Variants in KCNMB2 observed in about 807,000 individuals in gnomAD.
The protein encoded by KCNMB2 is potassium calcium-activated channel subfamily M regulatory beta subunit 2, also known as calcium-activated potassium channel subunit beta-2.
KCNMB2 carries 9 observed loss-of-function variants against 24.5 expected under a neutral mutation model. That is an observed-to-expected ratio of 0.37 (90% confidence interval 0.22 to 0.64). The LOEUF is 0.64. Among genes scored for constraint, KCNMB2 ranks in the 30% least tolerant of loss-of-function variants. The pLI, the probability that KCNMB2 is intolerant of heterozygous loss-of-function variation, is 0.63. For missense variants in KCNMB2, 226 were observed against 284.3 expected (o/e 0.79, Z 1.47); for synonymous variants, 109 against 104.4 (o/e 1.04, Z -0.27).
intron 1 of KCNMB2, among the ~76,000 whole-genome samples, chr3:178,606,912 GAC>G (rs1196351066): frequency 6.6e-6 from 1 of 152,158 alleles, no homozygotes; most frequent in African/African-American, 2.4e-5. Flanking sequence ...ATCATGTGAA[GAC>G]ACAGCAAAAA....
At chr3:178,665,181 T>C (rs905297379) in intron 1 of KCNMB2, among the ~76,000 whole-genome samples, 1 of 152,142 alleles carries the variant, frequency 6.6e-6, no homozygotes, top group African/African-American at 2.4e-5. Context: ...GGAATTCTGA[T>C]CAACCTTTAA....
chr3:178,644,313 G>A (rs1055586143), intron 1 of KCNMB2, among the ~76,000 whole-genome samples: 1 of 152,224 alleles, frequency 6.6e-6, no homozygotes, highest in African/African-American at 2.4e-5. Flanking sequence ...AGGAAGAGAG[G>A]TGGGTCATTA....
intron 1 of KCNMB2, chr3:178,801,660 G>A (rs569174856): frequency 2.2e-4 from 34 of 152,196 alleles, no homozygotes; most frequent in Non-Finnish European, 4.4e-4. Context: ...AAGCTAAGAG[G>A]TCATTGTCCT....
At chr3:178,765,615 TTG>T (rs1314517537) in intron 1 of KCNMB2, among the ~76,000 whole-genome samples, 16 of 87,722 alleles carry the variant, frequency 1.8e-4, no homozygotes, top group African/African-American at 1.0e-3. Flanking sequence ...CTGCTAGAAT[TTG>T]TGTGTGTGTG....
At chr3:178,806,322 G>T (rs546209131) in intron 1 of KCNMB2, among the ~76,000 whole-genome samples, 2 of 152,178 alleles carry the variant, frequency 1.3e-5, no homozygotes, top group South Asian at 2.1e-4. Flanking sequence ...GCATAACACA[G>T]ATATATGCAT....
At chr3:178,620,404 C>T (rs183964180) in intron 1 of KCNMB2, among the ~76,000 whole-genome samples, 5 of 152,202 alleles carry the variant, frequency 3.3e-5, no homozygotes, top group Non-Finnish European at 5.9e-5. Flanking sequence ...GCTTCTGTAA[C>T]AAAATGCCAT....
chr3:178,686,676 TG>T (rs1721482812), intron 1 of KCNMB2, among the ~76,000 whole-genome samples: 1 of 152,190 alleles, frequency 6.6e-6, no homozygotes, highest in Non-Finnish European at 1.5e-5. Context: ...CACCTCTTTG[TG>T]TATGTATGCA....
At chr3:178,800,374 G>A (rs1301749738) in intron 1 of KCNMB2, among the ~76,000 whole-genome samples, 2 of 152,086 alleles carry the variant, frequency 1.3e-5, no homozygotes, top group African/African-American at 4.8e-5. Flanking sequence ...CAACAGTTCT[G>A]AATAGACATT....
At chr3:178,755,761 A>G (rs1338076586) in intron 1 of KCNMB2, among the ~76,000 whole-genome samples, 1 of 152,188 alleles carries the variant, frequency 6.6e-6, no homozygotes, top group Non-Finnish European at 1.5e-5. Context: ...GCATGGCTGT[A>G]TCAACTACAA....
At chr3:178,606,763 T>C (rs984878346) in intron 1 of KCNMB2, among the ~76,000 whole-genome samples, 1 of 152,116 alleles carries the variant, frequency 6.6e-6, no homozygotes, top group Admixed American at 6.6e-5. Context: ...CCTAATATGA[T>C]GGTATTAAGA....
chr3:178,582,746 C>A (rs191537999), intron 1 of KCNMB2, among the ~76,000 whole-genome samples: 105 of 152,174 alleles, frequency 6.9e-4, no homozygotes, highest in African/African-American at 2.3e-3. Flanking sequence ...TTGTCTATAT[C>A]TTTCTTAGGC....
chr3:178,660,298 C>G, intron 1 of KCNMB2, among the ~76,000 whole-genome samples: 1 of 152,186 alleles, frequency 6.6e-6, no homozygotes, highest in East Asian at 1.9e-4. Flanking sequence ...AGGCATTCAA[C>G]TGAAAATAGT....
chr3:178,545,765 ATTGT>A (rs61624704), intron 1 of KCNMB2, among the ~76,000 whole-genome samples: 35,603 of 151,916 alleles, frequency 0.23, 4,851 homozygotes, highest in East Asian at 0.43. Flanking sequence ...TTGTCTCTGG[ATTGT>A]TTGTTTGTTT....
intron 1 of KCNMB2, among the ~76,000 whole-genome samples, chr3:178,689,903 A>T (rs1721607687): frequency 6.6e-6 from 1 of 152,210 alleles, no homozygotes; most frequent in Admixed American, 6.5e-5. Flanking sequence ...AAGAGAATAC[A>T]TCACCTATGT....
intron 1 of KCNMB2, among the ~76,000 whole-genome samples, chr3:178,761,938 G>A (rs1280756201): frequency 6.6e-6 from 1 of 152,164 alleles, no homozygotes; most frequent in African/African-American, 2.4e-5. Context: ...TTGGGAGGCC[G>A]AGGCGGGCGG....
At chr3:178,677,951 C>A (rs1484029584) in intron 1 of KCNMB2, among the ~76,000 whole-genome samples, 5 of 152,136 alleles carry the variant, frequency 3.3e-5, no homozygotes, top group African/African-American at 1.2e-4. Flanking sequence ...AGAGACTTCG[C>A]ATTTAAATGC....
At chr3:178,548,885 G>A (rs1205184391) in intron 1 of KCNMB2, among the ~76,000 whole-genome samples, 1 of 152,198 alleles carries the variant, frequency 6.6e-6, no homozygotes, top group Non-Finnish European at 1.5e-5. Flanking sequence ...TAGAAAGAAA[G>A]TTGACCAGAG....
chr3:178,617,147 C>T (rs1352611776), intron 1 of KCNMB2, among the ~76,000 whole-genome samples: 1 of 152,114 alleles, frequency 6.6e-6, no homozygotes, highest in Non-Finnish European at 1.5e-5. Flanking sequence ...ATTCCTACCA[C>T]TCAGAATTAA....
At chr3:178,667,892 GACAA>G (rs1720774344) in intron 1 of KCNMB2, among the ~76,000 whole-genome samples, 1 of 152,120 alleles carries the variant, frequency 6.6e-6, no homozygotes, top group African/African-American at 2.4e-5. Flanking sequence ...AAGGCTGACA[GACAA>G]ACAGTCCACA....
Sources: gnomAD v4.1 joint callset for allele counts (sites outside exome capture counted in the v4.1 genomes callset) on GRCh38, gnomAD v4.1.1 for gene constraint, MANE v1.5 for transcripts, NCBI Gene and HGNC (gene_info 2026-07-23, HGNC 2026-07-21) for gene names.